The following NICN1 variants were observed in gnomAD, a reference collection of about 807,000 sequenced individuals.
The protein encoded by NICN1 is nicolin-1.
In NICN1, 18 loss-of-function variants were observed where a neutral mutation model predicts 26.3. The ratio of observed to expected loss-of-function variants is 0.68; its 90% CI spans 0.47 to 1.01. The LOEUF is 1.01. Ranked by LOEUF, NICN1 falls within the 50% of genes least tolerant of loss-of-function variation. The pLI is 0.00. For missense variants in NICN1, 239 were observed against 278.3 expected, an observed-to-expected ratio of 0.86 and a Z score of 1.00; for synonymous variants, 109 against 111.0, an observed-to-expected ratio of 0.98 and a Z score of 0.11.
rs1028631130 is a variant in NICN1 at position 49,422,689 on chromosome 3, G to C, written c.*2144C>G. The stretch of plus-strand genomic sequence containing the variant: ...TCTTCAGGGCAGCTCGGGCAATCCA[G>C]AGCTGATTGGGCTGCCCAGAACAAA... On this transcript the variant is annotated 3_prime_UTR_variant, in exon 6 of 6. Transcript: ENST00000273598. 3.0e-6 allele frequency: 2 copies of C among 665,482 alleles called. No homozygotes were observed. The highest frequency in any genetic ancestry group is 5.5e-6 in the Non-Finnish European group (2 of 363,946). 41.2% of individuals were successfully genotyped at this position (665,482 alleles called of 1,614,324 possible).
chr3:49,425,991 C>T lies in NICN1; in HGVS notation c.315G>A (p.Leu105=), dbSNP rs778829297. 5.1e-5 allele frequency: 82 copies of T among 1,592,242 alleles called. No homozygotes were observed. The highest frequency in any genetic ancestry group is 6.7e-5 in the Non-Finnish European group (78 of 1,160,936). The change falls in exon 3 of 6, where the codon CTG becomes CTA. Residue 105 remains leucine (L), a synonymous_variant. Coordinates refer to ENST00000273598, the MANE Select transcript of NICN1 (RefSeq NM_032316.3). Reference sequence around the variant, plus strand: ...GCTCCGATATTCTAGCCATGTCACACAGCATCTGACACACACACACAAGGA... The same window carrying T: ...GCTCCGATATTCTAGCCATGTCACATAGCATCTGACACACACACACAAGGA... ...EYVSLFKHQM[L]CDMARISELR...
intron 1 of NICN1, 37 bp downstream of exon 1, chr3:49,429,070 GC>G (rs1478528552): frequency 6.4e-7 from 1 of 1,552,362 alleles, no homozygotes; most frequent in African/African-American, 1.4e-5. Flanking sequence ...GGTCGGCCCC[GC>G]CCGGGAGCCT....
rs2049171974 is a variant in NICN1, at chr3:49,426,549, A to C, written c.133-121T>G. The stretch of plus-strand genomic sequence containing the variant: ...CTTTTCTTTTTTTTTTTTTTTTGAG[A>C]GGAAATCTTGCTCTTTTGCCCAGGC... On this transcript the variant is annotated intron_variant, in intron 1 of 5. Transcript: ENST00000273598. 4 of 721,658 alleles carry C rather than the reference A, an allele frequency of 5.5e-6. No homozygotes were observed. The African/African-American group carries it at 7.6e-5, about 14-fold the overall frequency. 44.7% of individuals were successfully genotyped at this position (721,658 alleles called of 1,614,324 possible). A position where few individuals can be genotyped will look rare whatever the true frequency, so the allele number is the denominator to read the frequency against.
Position 49,422,595 on chromosome 3 carries a change from T to C in NICN1, c.*2238A>G. The C allele has an allele frequency of 1.1e-6, 1 of 889,814 alleles. No homozygotes were observed. The highest frequency in any genetic ancestry group is 1.8e-6 in the Non-Finnish European group (1 of 550,150). 55.1% of individuals were successfully genotyped at this position (889,814 alleles called of 1,614,324 possible). On this transcript the variant is annotated 3_prime_UTR_variant, in exon 6 of 6. Coordinates refer to ENST00000273598, the MANE Select transcript of NICN1 (RefSeq NM_032316.3). ...GGCGTGGGCAGCCCCAAGGGCAGGC[T>C]GGGATTTAGAGCAGAGAATGCAGGA...
intron 1 of NICN1, 57 bp from the exon 2 acceptor site, chr3:49,426,485 G>A: frequency 7.4e-7 from 1 of 1,358,504 alleles, no homozygotes; most frequent in South Asian, 1.2e-5. Context: ...GGCCTGAAAA[G>A]CTCAAAGATC....
chr3:49,426,060 C>A, intron 2 of NICN1, 64 bp from the exon 3 acceptor site: 2 of 1,232,916 alleles, frequency 1.6e-6, no homozygotes, highest in Non-Finnish European at 1.2e-6. Flanking sequence ...TCCCAACCAG[C>A]AATGAGCCAG....
At chr3:49,428,220 C>A (rs80277366) in intron 1 of NICN1, among the ~76,000 whole-genome samples, 21 of 139,570 alleles carry the variant, frequency 1.5e-4, no homozygotes, top group African/African-American at 5.0e-4. Flanking sequence ...ACCTCCATCT[C>A]AAAAAAAAAA....
rs2049134895 is a variant in NICN1, at chr3:49,422,771, T to C, written c.*2062A>G. 2.1e-6 allele frequency: 1 copy of C among 468,802 alleles called. No individual in the cohort carries two copies. Among genetic ancestry groups the C allele is most frequent in the Non-Finnish European group, 4.0e-6 (1 of 253,118 alleles). 29.0% of individuals were successfully genotyped at this position (468,802 alleles called of 1,614,324 possible). A position where few individuals can be genotyped will look rare whatever the true frequency, so the allele number is the denominator to read the frequency against. On this transcript the variant is annotated 3_prime_UTR_variant, in exon 6 of 6. Transcript: ENST00000273598. ...CCCTGTCTCCAGAGGGTCAAAGTTCTGGAAAGGGCTGAAAGGTCTGAATCA... is the reference window on the plus strand; with the variant it reads ...CCCTGTCTCCAGAGGGTCAAAGTTCCGGAAAGGGCTGAAAGGTCTGAATCA...
Position 49,422,463 on chromosome 3 carries a change from C to G in NICN1, c.*2370G>C. On this transcript the variant is annotated 3_prime_UTR_variant, in exon 6 of 6. Transcript: ENST00000273598. ...CAGCCCTCTGCATCGTCGCCTGCAA[C>G]GAGTGCAGACGGCGCACAGAGGCCA... is the stretch of plus-strand genomic sequence containing the variant. 6.2e-7 allele frequency: 1 copy of G among 1,611,534 alleles called. No homozygotes were observed. The highest frequency in any genetic ancestry group is 1.7e-5 in the Admixed American group (1 of 59,770).
chr3:49,426,763 TA>T (rs2107942523), intron 1 of NICN1, among the ~76,000 whole-genome samples: 1 of 152,222 alleles, frequency 6.6e-6, no homozygotes, highest in African/African-American at 2.4e-5. Flanking sequence ...TTCCTGACCT[TA>T]GGTGATCCAC....
chr3:49,425,478 G>A (rs1033965961), intron 3 of NICN1, 40 bp from the exon 4 acceptor site: 3 of 1,529,150 alleles, frequency 2.0e-6, no homozygotes, highest in Non-Finnish European at 2.7e-6. Context: ...GAGACAAAGT[G>A]GACAGCTCTG....
rs975002930 is a variant in NICN1, at chr3:49,429,302, G to A, written c.-63C>T. On this transcript the variant is annotated 5_prime_UTR_variant, in exon 1 of 6. Transcript: ENST00000273598. The stretch of plus-strand genomic sequence containing the variant: ...AGGCCCCCGACCACCAGCCCTTCCC[G>A]GCATCCTCAGCCGAGCCTCAAGAAC... 21 of 1,508,842 alleles carry A rather than the reference G, an allele frequency of 1.4e-5. No individual in the cohort carries two copies. The African/African-American group carries it at 2.4e-4, about 17-fold the overall frequency. 93.5% of individuals were successfully genotyped at this position (1,508,842 alleles called of 1,614,324 possible).
rs556206172 is a variant in NICN1 at position 49,426,492 on chromosome 3, GA to G, written c.133-65del. ...GGCCCAGGGGCCTGAAAAGCTCAAA[GA>G]TCAAAGGTGCCACCTCTTCCTTCTC... On this transcript the variant is annotated intron_variant, in intron 1 of 5. Transcript: ENST00000273598. The G allele has an allele frequency of 2.6e-4, 333 of 1,288,040 alleles. No individual in the cohort carries two copies. In the African/African-American group the frequency reaches 4.3e-3, roughly 17 times the overall value. The allele number at this position is 1,288,040 out of a possible 1,614,324, so 79.8% of individuals were successfully genotyped here. A position where few individuals can be genotyped will look rare whatever the true frequency, so the allele number is the denominator to read the frequency against.
intron 1 of NICN1, among the ~76,000 whole-genome samples, chr3:49,428,539 T>C (rs754671898): frequency 7.2e-5 from 11 of 151,736 alleles, no homozygotes; most frequent in Non-Finnish European, 1.2e-4. Flanking sequence ...CTGACCAATA[T>C]GGAGAAACCC....
intron 1 of NICN1, 22 bp downstream of exon 1, chr3:49,429,086 C>T (rs1309897724): frequency 6.4e-7 from 1 of 1,563,710 alleles, no homozygotes; most frequent in African/African-American, 1.4e-5. Flanking sequence ...GAGCCTCGGT[C>T]GCGCCCACCA....
Position 49,425,940 on chromosome 3 carries a change from T to C in NICN1, c.366A>G (p.Ser122=). The change falls in exon 3 of 6, where the codon TCA becomes TCG. Residue 122 remains serine, a synonymous_variant. Transcript: ENST00000273598. The stretch of plus-strand genomic sequence containing the variant: ...CCACTGTGAAAGACAGCCACAGTGG[T>C]GATGGCTGCCGCAGAATCAGGCGTA... ...SELRLILRQP[S]PLWLSFTVEE... 6.2e-7 allele frequency: 1 copy of C among 1,612,310 alleles called. No individual in the cohort carries two copies.
intron 1 of NICN1, among the ~76,000 whole-genome samples, chr3:49,428,738 A>G (rs2049194851): frequency 6.6e-6 from 1 of 151,708 alleles, no homozygotes; most frequent in East Asian, 1.9e-4. Context: ...AAAAAAAAAA[A>G]ATGGGGAGGC....
intron 1 of NICN1, among the ~76,000 whole-genome samples, chr3:49,427,148 C>T (rs1346062896): frequency 6.6e-6 from 1 of 151,922 alleles, no homozygotes; most frequent in African/African-American, 2.4e-5. Context: ...AGTGAAACCC[C>T]GTCTCTACTA....
Position 49,425,027 on chromosome 3 carries a change from G to A in NICN1, c.522C>T (p.Ser174=). 1 of 1,614,092 alleles carries A rather than the reference G, an allele frequency of 6.2e-7. No homozygotes were observed. The highest frequency in any genetic ancestry group is 1.1e-5 in the South Asian group (1 of 91,082). The change falls in exon 5 of 6, where the codon TCC becomes TCT. Residue 174 remains serine, a synonymous_variant. Coordinates refer to ENST00000273598, the MANE Select transcript of NICN1 (RefSeq NM_032316.3). ...GTGCCCACATCTGCTGCACCTCGGA[G>A]GATACCCTGCTGGGGTCTGGGAGAC... is the stretch of plus-strand genomic sequence containing the variant. ...REGLPDPSRV[S]SEVQQMWALT...
Sources: gnomAD v4.1 joint callset for allele counts (sites outside exome capture counted in the v4.1 genomes callset) on GRCh38, gnomAD v4.1.1 for gene constraint, MANE v1.5 for transcripts, NCBI Gene and HGNC (gene_info 2026-07-23, HGNC 2026-07-21) for gene names.